NBEA: variants seen among roughly 807,000 people sequenced by gnomAD.
NBEA encodes the protein lysosomal-trafficking regulator 2.
NBEA carries 44 observed loss-of-function variants against 343.4 expected under a neutral mutation model. The observed-to-expected ratio is 0.13, with a 90% CI of 0.10 to 0.16. The LOEUF (loss-of-function observed/expected upper bound fraction) is 0.16. Among genes scored for constraint, NBEA ranks in the 10% least tolerant of loss-of-function variants. NBEA has a pLI of 1.00. For synonymous variants in NBEA, 1,175 were observed against 1,238.7 expected (o/e 0.95, Z 1.08); for missense variants, 2,555 against 3,631.3 (o/e 0.70, Z 7.62).
At chr13:35,002,187 G>C (rs1380769521) in intron 1 of NBEA, among the ~76,000 whole-genome samples, 1 of 152,152 alleles carries the variant, frequency 6.6e-6, no homozygotes, top group Non-Finnish European at 1.5e-5. Context: ...AGTTGGTAGG[G>C]AGCTAACAGG....
chr13:35,018,907 G>A (rs1475008813), intron 1 of NBEA, among the ~76,000 whole-genome samples: 1 of 152,042 alleles, frequency 6.6e-6, no homozygotes, highest in Admixed American at 6.5e-5. Context: ...ATGAATATCT[G>A]GTTGAGGAAA....
intron 38 of NBEA, among the ~76,000 whole-genome samples, chr13:35,382,919 T>C (rs1468356702): frequency 6.6e-6 from 1 of 152,194 alleles, no homozygotes; most frequent in Non-Finnish European, 1.5e-5. Flanking sequence ...ATCATTCTGG[T>C]GTGAACAGTG....
intron 10 of NBEA, among the ~76,000 whole-genome samples, chr13:35,097,528 G>A (rs1156940517): frequency 6.6e-6 from 1 of 151,952 alleles, no homozygotes; most frequent in African/African-American, 2.4e-5. Context: ...TCATGTATCA[G>A]TGTTGCTGGT....
At chr13:35,657,163 A>G (rs374446282) in intron 55 of NBEA, among the ~76,000 whole-genome samples, 6 of 152,354 alleles carry the variant, frequency 3.9e-5, no homozygotes, top group East Asian at 1.9e-4. Context: ...AAGATAGTGG[A>G]AGATTGGATT....
intron 18 of NBEA, among the ~76,000 whole-genome samples, chr13:35,149,581 A>G (rs1056929515): frequency 1.3e-5 from 2 of 152,200 alleles, no homozygotes; most frequent in Non-Finnish European, 2.9e-5. Flanking sequence ...CTACAATATC[A>G]GATTAGGCTT....
At chr13:35,296,493 G>T (rs548794462) in intron 35 of NBEA, among the ~76,000 whole-genome samples, 1 of 151,846 alleles carries the variant, frequency 6.6e-6, no homozygotes, top group Non-Finnish European at 1.5e-5. Flanking sequence ...TAGGCCATCT[G>T]CAGGATCATT....
chr13:35,470,068 C>T (rs1183204859), intron 40 of NBEA, among the ~76,000 whole-genome samples: 1 of 152,174 alleles, frequency 6.6e-6, no homozygotes, highest in Non-Finnish European at 1.5e-5. Context: ...GCTCCTTAAA[C>T]ATGCTATGGA....
chr13:35,031,177 C>T (rs538488451), intron 1 of NBEA, among the ~76,000 whole-genome samples: 30 of 151,726 alleles, frequency 2.0e-4, no homozygotes, highest in South Asian at 4.1e-4. Flanking sequence ...CAATAAGTGT[C>T]CGTATTGTTG....
intron 31 of NBEA, among the ~76,000 whole-genome samples, chr13:35,207,478 G>A (rs910317994): frequency 3.9e-5 from 6 of 152,086 alleles, no homozygotes; most frequent in African/African-American, 1.4e-4. Context: ...GTAAGGTTTG[G>A]AAGATATTTG....
chr13:35,508,383 G>C (rs1190043801), intron 41 of NBEA, among the ~76,000 whole-genome samples: 1 of 152,138 alleles, frequency 6.6e-6, no homozygotes, highest in East Asian at 1.9e-4. Flanking sequence ...CATTGGGAAG[G>C]TACTATTAAG....
At position 35,118,218 on chromosome 13, in the gene NBEA, TA is replaced by T. The variant is rs778883835; in HGVS notation, c.2083-5del. ...AGATGTAAAGTAATAAAATATTTTT[TA>T]AAAATTAGGATCGAGGGGTCAAGGA... On this transcript the variant is annotated splice_polypyrimidine_tract_variant and intron_variant, in intron 14 of 58. Transcript: ENST00000379939. 1.4e-6 allele frequency: 2 copies of T among 1,446,856 alleles called. No individual in the cohort carries two copies. Among genetic ancestry groups the T allele is most frequent in the South Asian group, 3.0e-5 (2 of 66,420 alleles). The allele number at this position is 1,446,856 out of a possible 1,614,324, so 89.6% of individuals were successfully genotyped here. A position where few individuals can be genotyped will look rare whatever the true frequency, so the allele number is the denominator to read the frequency against.
At position 35,672,424 on chromosome 13, in the gene NBEA, T is replaced by C. The variant is rs1471708172; in HGVS notation, c.*1433T>C. ...TTATTTGTTATCCACCTTGTACTAG[T>C]AAGTTTTAGCACTGAATTCCTTCTT... On this transcript the variant is annotated 3_prime_UTR_variant, in exon 59 of 59. Coordinates refer to ENST00000379939, the MANE Select transcript of NBEA (RefSeq NM_001385012.1). The C allele has an allele frequency of 6.5e-6, 1 of 152,676 alleles. No individual in the cohort carries two copies. The highest frequency in any genetic ancestry group is 1.5e-5 in the Non-Finnish European group (1 of 68,046). The allele number at this position is 152,676 out of a possible 1,614,324, so 9.5% of individuals were successfully genotyped here.
chr13:35,654,825 C>A, intron 53 of NBEA, 30 bp from the exon 54 acceptor site: 1 of 1,545,826 alleles, frequency 6.5e-7, no homozygotes, highest in East Asian at 2.5e-5. Context: ...TGGAATCTTT[C>A]TTCAAATGCT....
intron 1 of NBEA, among the ~76,000 whole-genome samples, chr13:34,969,700 A>T (rs1233353854): frequency 6.6e-6 from 1 of 151,606 alleles, no homozygotes; most frequent in South Asian, 2.1e-4. Context: ...AGCTCCATCT[A>T]TGTGTCTGCA....
intron 11 of NBEA, among the ~76,000 whole-genome samples, chr13:35,103,907 G>T (rs558507224): frequency 1.8e-4 from 28 of 151,874 alleles, no homozygotes; most frequent in African/African-American, 5.8e-4. Flanking sequence ...TTCAAACCAT[G>T]ATCATCCTTC....
intron 48 of NBEA, among the ~76,000 whole-genome samples, chr13:35,617,252 G>C (rs2082776520): frequency 6.6e-6 from 1 of 152,162 alleles, no homozygotes; most frequent in African/African-American, 2.4e-5. Flanking sequence ...TAATGGATCT[G>C]GTAAGACTTG....
intron 34 of NBEA, among the ~76,000 whole-genome samples, chr13:35,256,170 C>G (rs986710082): frequency 2.6e-5 from 4 of 152,034 alleles, no homozygotes; most frequent in African/African-American, 9.7e-5. Flanking sequence ...ATGGGTAACT[C>G]CTATGCACAG....
intron 41 of NBEA, among the ~76,000 whole-genome samples, chr13:35,547,367 T>A (rs4143550): frequency 0.081 from 12,361 of 152,224 alleles, 777 homozygotes; most frequent in East Asian, 0.31. Context: ...TTACTGATCT[T>A]AGGTTCCTTT....
At chr13:35,015,416 A>G (rs1312304652) in intron 1 of NBEA, among the ~76,000 whole-genome samples, 1 of 152,014 alleles carries the variant, frequency 6.6e-6, no homozygotes, top group Non-Finnish European at 1.5e-5. Flanking sequence ...GGAGGCAAAA[A>G]AGAGGGATTT....
Sources: gnomAD v4.1 joint callset for allele counts (sites outside exome capture counted in the v4.1 genomes callset) on GRCh38, gnomAD v4.1.1 for gene constraint, MANE v1.5 for transcripts, NCBI Gene and HGNC (gene_info 2026-07-23, HGNC 2026-07-21) for gene names.